The following AVEN variants were observed in gnomAD, a reference collection of about 807,000 sequenced individuals.
The protein encoded by AVEN is apoptosis and caspase activation inhibitor.
A neutral mutation model predicts 38.1 loss-of-function variants in AVEN; 41 were observed. The ratio of observed to expected loss-of-function variants is 1.08; its 90% CI spans 0.84 to 1.40. The LOEUF (loss-of-function observed/expected upper bound fraction) is 1.40, where lower values mean the gene tolerates loss of function less well. AVEN is among the 40% of genes most tolerant of loss of function. AVEN has a pLI of 0.00. For missense variants in AVEN, 605 were observed against 438.8 expected (o/e 1.38, Z -3.38); for synonymous variants, 206 against 171.8 (o/e 1.20, Z -1.56).
intron 3 of AVEN, among the ~76,000 whole-genome samples, chr15:33,872,562 G>C (rs1001655418): frequency 6.6e-6 from 1 of 152,000 alleles, no homozygotes; most frequent in Non-Finnish European, 1.5e-5. Context: ...GGGGGGAGCC[G>C]GGAATCTGTG....
chr15:33,968,128 T>C (rs1189300607), intron 2 of AVEN, among the ~76,000 whole-genome samples: 2 of 25,220 alleles, frequency 7.9e-5, no homozygotes, highest in East Asian at 2.7e-3. Context: ...AAAAAAAAGC[T>C]TCTAGCCAAA....
intron 2 of AVEN, among the ~76,000 whole-genome samples, chr15:33,902,835 A>C (rs564569343): frequency 3.3e-4 from 48 of 145,714 alleles, no homozygotes; most frequent in African/African-American, 1.2e-3. Context: ...CTTAGGAATA[A>C]ATTCTGTAGC....
chr15:33,933,848 A>G (rs771754848), intron 2 of AVEN, among the ~76,000 whole-genome samples: 1 of 152,100 alleles, frequency 6.6e-6, no homozygotes, highest in Non-Finnish European at 1.5e-5. Flanking sequence ...AATCCCAGCT[A>G]CTCAGGTGGC....
At chr15:34,066,020 C>G (rs1900501318) in exon 4 of AVEN, 1 of 152,258 alleles carries the variant, frequency 6.6e-6, no homozygotes, top group Non-Finnish European at 1.5e-5. Flanking sequence ...TCATCAGCCT[C>G]TCACAGGATG....
intron 1 of AVEN, among the ~76,000 whole-genome samples, chr15:34,009,194 A>G (rs1897525553): frequency 1.3e-5 from 2 of 152,220 alleles, no homozygotes; most frequent in Admixed American, 6.5e-5. Context: ...TGAAAAAAAG[A>G]CATTCCCAGA....
downstream of AVEN, chr15:33,865,454 G>GAATC: frequency 2.1e-6 from 1 of 485,162 alleles, no homozygotes; most frequent in Admixed American, 3.7e-5. Context: ...GGAAGGCGAA[G>GAATC]AATCAAGTAA....
At chr15:33,872,539 C>G (rs1049743541) in intron 3 of AVEN, among the ~76,000 whole-genome samples, 1 of 152,164 alleles carries the variant, frequency 6.6e-6, no homozygotes, top group African/African-American at 2.4e-5. Context: ...GAACTGAACT[C>G]TCTGGGTGGC....
intron 2 of AVEN, among the ~76,000 whole-genome samples, chr15:33,994,521 G>A (rs777899394): frequency 5.3e-5 from 8 of 152,172 alleles, no homozygotes; most frequent in Non-Finnish European, 8.8e-5. Flanking sequence ...ACCCTGGTCT[G>A]TGGAAAAATT....
rs538332452 is a variant in AVEN at position 33,981,063 on chromosome 15, C to A, written c.445+21969G>T. ...CACACTGAGTTTTTATATAAACATA[C>A]AATCACAACTTGATTCCAAGACTCC... On this transcript the variant is annotated intron_variant, in intron 2 of 5. Transcript: ENST00000306730. 3.9e-4 allele frequency among the ~76,000 whole-genome samples: 54 copies of A among 139,008 alleles called. No individual in the cohort carries two copies. In the South Asian group the frequency reaches 0.014, roughly 36 times the overall value. The allele number at this position is 139,008 out of a possible 152,430, so 91.2% of individuals were successfully genotyped here. A position where few individuals can be genotyped will look rare whatever the true frequency, so the allele number is the denominator to read the frequency against.
At chr15:33,860,980 A>T (rs1887988694) in intron 11 of AVEN, 4 of 985,060 alleles carry the variant, frequency 4.1e-6, no homozygotes, top group Non-Finnish European at 6.3e-6. Flanking sequence ...ATTAGAAAGA[A>T]AGTTTTCATT....
chr15:33,935,842 C>T (rs981656565), intron 2 of AVEN, among the ~76,000 whole-genome samples: 5 of 152,038 alleles, frequency 3.3e-5, no homozygotes, highest in African/African-American at 1.2e-4. Context: ...ATTTTCTATA[C>T]TGGATTATAA....
At chr15:33,884,430 G>A (rs942389569) in intron 2 of AVEN, among the ~76,000 whole-genome samples, 1 of 152,066 alleles carries the variant, frequency 6.6e-6, no homozygotes, top group African/African-American at 2.4e-5. Flanking sequence ...AGAACTCTAA[G>A]TATTCTAATA....
chr15:33,899,460 C>CTTTTTTTTTTT (rs533788693), intron 2 of AVEN, among the ~76,000 whole-genome samples: 702 of 65,422 alleles, frequency 0.011, 75 homozygotes, highest in Non-Finnish European at 0.016. Context: ...CAGGGAAAAC[C>CTTTTTTTTTTT]TTTTTTTTTT....
chr15:33,944,355 C>A (rs555060864), intron 2 of AVEN, among the ~76,000 whole-genome samples: 8 of 152,204 alleles, frequency 5.3e-5, no homozygotes, highest in Non-Finnish European at 8.8e-5. Flanking sequence ...GCAACTATAA[C>A]GTGTCCAGTG....
intron 4 of AVEN, chr15:34,064,011 G>GGAAAGAGCCC (rs1567494966): frequency 6.2e-7 from 1 of 1,614,178 alleles, no homozygotes. Context: ...ACGAAAGAGA[G>GGAAAGAGCCC]TGGTCCTAGT....
At chr15:33,858,978 C>T (rs1172846146) in exon 12 of AVEN, 1 of 152,690 alleles carries the variant, frequency 6.5e-6, no homozygotes, top group African/African-American at 2.4e-5. Context: ...CAGGCTGCCC[C>T]TGGCTTTTGA....
At chr15:33,865,505 A>ACTAGT, downstream of AVEN, 2 of 371,648 alleles carry the variant, frequency 5.4e-6, no homozygotes, top group Non-Finnish European at 9.8e-6. Context: ...TTCTGAGGTA[A>ACTAGT]CTAGTTCAGT....
At chr15:34,071,918 C>T (rs1402988517) in intron 1 of AVEN, among the ~76,000 whole-genome samples, 1 of 152,088 alleles carries the variant, frequency 6.6e-6, no homozygotes, top group Non-Finnish European at 1.5e-5. Flanking sequence ...GAAAACTAGA[C>T]TAGGTTATCT....
chr15:33,966,972 G>C (rs746649989), intron 2 of AVEN, among the ~76,000 whole-genome samples: 41 of 152,034 alleles, frequency 2.7e-4, no homozygotes, highest in Non-Finnish European at 4.9e-4. Flanking sequence ...TGAACTCTAA[G>C]TCACATTCAA....
Sources: allele counts gnomAD v4.1 joint callset (sites outside exome capture counted in the v4.1 genomes callset), GRCh38; gene constraint gnomAD v4.1.1; transcripts MANE v1.5; gene names NCBI Gene and HGNC (gene_info 2026-07-23, HGNC 2026-07-21).